Variants in BACH2 observed in about 807,000 individuals in gnomAD.
The protein encoded by BACH2 is transcription regulator protein BACH2.
Under a neutral mutation model 61.8 loss-of-function variants are expected in BACH2, and 5 were observed. That is an observed-to-expected ratio of 0.08 (90% CI 0.04 to 0.17). The LOEUF (loss-of-function observed/expected upper bound fraction) is 0.17, where lower values mean the gene tolerates loss of function less well. BACH2 is among the 10% of genes least tolerant of loss of function. The pLI is 1.00. For synonymous variants in BACH2, 446 were observed against 440.1 expected (o/e 1.01, Z -0.17); for missense variants, 824 against 1,091.1 (o/e 0.76, Z 3.45).
At position 89,932,360 on chromosome 6, in the gene BACH2, A is replaced by G; in HGVS notation, c.*48T>C. Reference sequence around the variant, plus strand: ...GAACAGTGCCACAGGCTGACTGAAGAACGCCTGGATGGGAGAGGTGTGCGG... The same window carrying G: ...GAACAGTGCCACAGGCTGACTGAAGGACGCCTGGATGGGAGAGGTGTGCGG... On this transcript the variant is annotated 3_prime_UTR_variant, in exon 9 of 9. Coordinates refer to ENST00000257749, the MANE Select transcript of BACH2 (RefSeq NM_021813.4). 2.5e-6 allele frequency: 4 copies of G among 1,581,668 alleles called. No individual in the cohort carries two copies. The highest frequency in any genetic ancestry group is 3.4e-6 in the Non-Finnish European group (4 of 1,159,744).
At chr6:90,138,902 G>C (rs1339037823) in intron 4 of BACH2, among the ~76,000 whole-genome samples, 1 of 152,190 alleles carries the variant, frequency 6.6e-6, no homozygotes, top group Non-Finnish European at 1.5e-5. Flanking sequence ...TTTGTAACAA[G>C]AAAGCGGAAT....
intron 6 of BACH2, among the ~76,000 whole-genome samples, chr6:89,974,669 C>A (rs1180032467): frequency 6.6e-6 from 1 of 152,168 alleles, no homozygotes; most frequent in Non-Finnish European, 1.5e-5. Flanking sequence ...CACCTTCTGG[C>A]CTCGCTAATA....
chr6:90,076,954 G>A (rs1479273583), intron 5 of BACH2, among the ~76,000 whole-genome samples: 4 of 152,120 alleles, frequency 2.6e-5, no homozygotes, highest in African/African-American at 7.2e-5. Context: ...AAACTTTAAA[G>A]CATTCTGTGA....
chr6:90,114,606 C>T (rs1266337807), intron 4 of BACH2, among the ~76,000 whole-genome samples: 1 of 152,142 alleles, frequency 6.6e-6, no homozygotes, highest in Non-Finnish European at 1.5e-5. Flanking sequence ...AAAACTGGCA[C>T]AAGACAAGGG....
intron 4 of BACH2, among the ~76,000 whole-genome samples, chr6:90,131,416 C>T (rs1045631280): frequency 3.3e-5 from 5 of 152,142 alleles, no homozygotes; most frequent in Admixed American, 1.3e-4. Flanking sequence ...GTAATAATTC[C>T]AAAATGCAGT....
At chr6:90,120,078 C>T (rs1449731232) in intron 4 of BACH2, among the ~76,000 whole-genome samples, 1 of 152,230 alleles carries the variant, frequency 6.6e-6, no homozygotes, top group Admixed American at 6.5e-5. Flanking sequence ...TTCATTCATT[C>T]ATCTATTCAT....
At chr6:89,969,234 T>C (rs1341236854) in intron 6 of BACH2, among the ~76,000 whole-genome samples, 3 of 151,834 alleles carry the variant, frequency 2.0e-5, no homozygotes, top group Non-Finnish European at 4.4e-5. Context: ...TTTTGTATTT[T>C]CAGTAGAGAT....
chr6:90,170,364 C>A (rs1389473130), intron 4 of BACH2, among the ~76,000 whole-genome samples: 2 of 152,132 alleles, frequency 1.3e-5, no homozygotes, highest in African/African-American at 4.8e-5. Flanking sequence ...ATACACTTTA[C>A]CTATTTATCT....
intron 6 of BACH2, among the ~76,000 whole-genome samples, chr6:89,989,706 C>A (rs1056256352): frequency 1.3e-5 from 2 of 152,188 alleles, no homozygotes; most frequent in Non-Finnish European, 2.9e-5. Context: ...GTCCATAGAA[C>A]CTCAGCAATT....
chr6:90,171,892 T>G (rs972015548), intron 4 of BACH2, among the ~76,000 whole-genome samples: 1 of 152,124 alleles, frequency 6.6e-6, no homozygotes, highest in African/African-American at 2.4e-5. Context: ...ATTTAGAGAC[T>G]CACATGAGTA....
intron 5 of BACH2, among the ~76,000 whole-genome samples, chr6:90,037,136 C>G (rs1318949457): frequency 6.6e-6 from 1 of 152,026 alleles, no homozygotes. Flanking sequence ...AGATGCACAA[C>G]CAAAAGGGAA....
chr6:90,073,671 A>G (rs1781344965), intron 5 of BACH2, among the ~76,000 whole-genome samples: 1 of 152,208 alleles, frequency 6.6e-6, no homozygotes, highest in African/African-American at 2.4e-5. Context: ...ATGAGCGGAC[A>G]AGGAAATCTC....
chr6:90,278,267 CCTT>C (rs1371900298), intron 1 of BACH2, among the ~76,000 whole-genome samples: 5 of 152,232 alleles, frequency 3.3e-5, no homozygotes, highest in African/African-American at 1.2e-4. Context: ...ATGTTTTCCT[CCTT>C]CTTCCCACTC....
chr6:90,049,418 G>C (rs577225208), intron 5 of BACH2, among the ~76,000 whole-genome samples: 1 of 152,316 alleles, frequency 6.6e-6, no homozygotes, highest in East Asian at 1.9e-4. Context: ...ATGACGCGAA[G>C]AAGAGAGCCA....
chr6:90,034,677 C>T (rs955766275), intron 5 of BACH2, among the ~76,000 whole-genome samples: 3 of 152,102 alleles, frequency 2.0e-5, no homozygotes, highest in Non-Finnish European at 2.9e-5. Context: ...TTACAGATTA[C>T]AACAGTGTTA....
At chr6:90,089,440 T>C (rs1782067955) in intron 4 of BACH2, among the ~76,000 whole-genome samples, 1 of 152,014 alleles carries the variant, frequency 6.6e-6, no homozygotes, top group Non-Finnish European at 1.5e-5. Context: ...CTATATTTCA[T>C]CTCACGTTTT....
Position 90,167,090 on chromosome 6 carries a change from T to C in BACH2, c.-162+39479A>G, listed in dbSNP as rs139862398. 3.5e-4 allele frequency among the ~76,000 whole-genome samples: 53 copies of C among 152,304 alleles called. No individual in the cohort carries two copies. The South Asian group carries it at 6.0e-3, about 17-fold the overall frequency. On this transcript the variant is annotated intron_variant, in intron 4 of 8. Coordinates refer to ENST00000257749, the MANE Select transcript of BACH2 (RefSeq NM_021813.4). ...TAATAAATTTATGTGCTGTGGACCATGGAACAGGAAGGAGTCTGTTTGACC... is the reference window on the plus strand; with the variant it reads ...TAATAAATTTATGTGCTGTGGACCACGGAACAGGAAGGAGTCTGTTTGACC...
rs1473861065 is a variant in BACH2, at chr6:90,027,521, C to T, written c.-12-18665G>A. ...TTATAAAAAGTCAGAATTGTACTGC[C>T]ATGGGGGCAGACAATACCCCCTCTC... On this transcript the variant is annotated intron_variant, in intron 5 of 8. Transcript: ENST00000257749. Among the ~76,000 whole-genome samples, 6 of 152,104 alleles carry T rather than the reference C, an allele frequency of 3.9e-5. No homozygotes were observed. The South Asian group carries it at 1.2e-3, about 32-fold the overall frequency.
intron 5 of BACH2, among the ~76,000 whole-genome samples, chr6:90,012,721 A>G (rs1777793888): frequency 6.6e-6 from 1 of 150,572 alleles, no homozygotes. Context: ...GATGGAGTGC[A>G]GTGGTGCGAT....
Sources: allele counts gnomAD v4.1 joint callset (sites outside exome capture counted in the v4.1 genomes callset), GRCh38; gene constraint gnomAD v4.1.1; transcripts MANE v1.5; gene names NCBI Gene and HGNC (gene_info 2026-07-23, HGNC 2026-07-21).